The following SIRT4 variants were observed in gnomAD, a reference collection of about 807,000 sequenced individuals.
SIRT4 encodes the protein NAD-dependent protein lipoamidase sirtuin-4, mitochondrial.
Under a neutral mutation model 26.1 loss-of-function variants are expected in SIRT4, and 23 were observed. The ratio of observed to expected loss-of-function variants is 0.88; its 90% confidence interval spans 0.63 to 1.25. The LOEUF (loss-of-function observed/expected upper bound fraction) is 1.25. SIRT4 is among the 50% of genes most tolerant of loss of function. The pLI, the probability that SIRT4 is intolerant of heterozygous loss-of-function variation, is 0.00. For missense variants in SIRT4, 361 were observed against 405.4 expected (o/e 0.89, Z 0.94); for synonymous variants, 155 against 158.4 (o/e 0.98, Z 0.16).
intron 1 of SIRT4, 37 bp from the exon 2 acceptor site, chr12:120,303,512 AAAAAAAAAAACC>A (rs1566462529): frequency 6.6e-7 from 1 of 1,517,238 alleles, no homozygotes; most frequent in Admixed American, 2.3e-5. Flanking sequence ...AAAAATGAGA[AAAAAAAAAAACC>A]ACCCCAGTTT....
At chr12:120,310,006 C>T (rs940347950) in intron 2 of SIRT4, among the ~76,000 whole-genome samples, 3 of 152,022 alleles carry the variant, frequency 2.0e-5, no homozygotes, top group Admixed American at 1.3e-4. Context: ...TGTGAGTCAC[C>T]GTGCCCGGCC....
upstream of SIRT4, among the ~76,000 whole-genome samples, chr12:120,298,196 C>CAAAAA (rs56752571): frequency 4.8e-4 from 10 of 21,052 alleles, 1 homozygote; most frequent in African/African-American, 1.3e-3. Flanking sequence ...AACTCCATCT[C>CAAAAA]AAAAAAAAAA....
upstream of SIRT4, among the ~76,000 whole-genome samples, chr12:120,299,018 A>C (rs1872443903): frequency 6.7e-6 from 1 of 150,170 alleles, no homozygotes; most frequent in Non-Finnish European, 1.5e-5. Context: ...CGAGGTCAAG[A>C]GATAGAGACC....
At chr12:120,293,598 A>G in the SIRT4 span, among the ~76,000 whole-genome samples, 69 of 152,274 alleles carry the variant, frequency 4.5e-4, no homozygotes, top group African/African-American at 1.6e-3. Flanking sequence ...TTCTTTTTCA[A>G]ACTTTTTTTT....
the SIRT4 span, among the ~76,000 whole-genome samples, chr12:120,292,562 A>C: frequency 6.6e-6 from 1 of 152,374 alleles, no homozygotes; most frequent in Non-Finnish European, 1.5e-5. Context: ...AGATCGCGCC[A>C]GTGCACTCCA....
Position 120,312,672 on chromosome 12 carries a change from G to A in SIRT4, c.714G>A (p.Val238=), listed in dbSNP as rs143904790. ...KPDVVFFGDT[V]NPDKVDFVHK... is the part of the protein sequence containing the mutation. ...ATGTCGTTTTCTTCGGGGACACAGT[G>A]AACCCTGACAAGGTTGATTTTGTGC... The change falls in exon 3 of 4, where the codon GTG becomes GTA. Residue 238 remains valine (V), a synonymous_variant. Transcript: ENST00000202967. 1 of 1,614,106 alleles carries A rather than the reference G, an allele frequency of 6.2e-7. No homozygotes were observed. Among genetic ancestry groups the A allele is most frequent in the Non-Finnish European group, 8.5e-7 (1 of 1,180,034 alleles).
chr12:120,312,344 A>T, intron 2 of SIRT4, 112 bp from the exon 3 acceptor site: 2 of 985,480 alleles, frequency 2.0e-6, no homozygotes, highest in Non-Finnish European at 3.0e-6. Flanking sequence ...ATTGTGTGTT[A>T]GGGAAAGAAA....
chr12:120,292,253 A>AC, the SIRT4 span, among the ~76,000 whole-genome samples: 1 of 152,172 alleles, frequency 6.6e-6, no homozygotes, highest in Non-Finnish European at 1.5e-5. Context: ...GGGTGCGGAA[A>AC]CAGCAGGGTG....
At chr12:120,292,926 G>T in the SIRT4 span, among the ~76,000 whole-genome samples, 1 of 152,188 alleles carries the variant, frequency 6.6e-6, no homozygotes, top group Admixed American at 6.6e-5. Context: ...TTTCATAAAC[G>T]CAAATCACTA....
chr12:120,303,849 C>T lies in SIRT4; in HGVS notation c.288C>T (p.Val96=), dbSNP rs139416968. The part of the protein sequence containing the change: ...DRRPIQHGDF[V]RSAPIRQRYW... ...GGCCCATCCAGCATGGTGATTTTGT[C>T]CGGAGTGCCCCAATCCGCCAGCGGT... The change falls in exon 2 of 4, where the codon GTC becomes GTT. Residue 96 remains valine (V), a synonymous_variant. Coordinates refer to ENST00000202967, the MANE Select transcript of SIRT4 (RefSeq NM_012240.3). 1 of 1,614,010 alleles carries T rather than the reference C, an allele frequency of 6.2e-7. No homozygotes were observed. Among genetic ancestry groups the T allele is most frequent in the African/African-American group, 1.3e-5 (1 of 74,920 alleles).
intron 2 of SIRT4, among the ~76,000 whole-genome samples, chr12:120,306,396 A>T (rs1039060424): frequency 6.6e-6 from 1 of 151,574 alleles, no homozygotes; most frequent in African/African-American, 2.4e-5. Context: ...AATAGCTTGA[A>T]CCCAAGAGGC....
At chr12:120,298,316 TA>T (rs756836163), upstream of SIRT4, among the ~76,000 whole-genome samples, 2 of 150,716 alleles carry the variant, frequency 1.3e-5, no homozygotes, top group Non-Finnish European at 3.0e-5. Context: ...TGTACTAAGT[TA>T]AAAAGAATCG....
chr12:120,302,543 G>C (rs536629574), intron 1 of SIRT4, among the ~76,000 whole-genome samples, 165 bp downstream of exon 1: 1 of 152,034 alleles, frequency 6.6e-6, no homozygotes, highest in African/African-American at 2.4e-5. Context: ...TCGGGAAACC[G>C]GACTGTGTGT....
At position 120,313,076 on chromosome 12, in the gene SIRT4, A is replaced by G. The variant is rs1873059303; in HGVS notation, c.*40A>G. The stretch of plus-strand genomic sequence containing the variant: ...TCCAGAACCTGGAACAGGGACTTTC[A>G]CTTGAATCTTGCTGCTAAATGTAAA... On this transcript the variant is annotated 3_prime_UTR_variant, in exon 4 of 4. Coordinates refer to ENST00000202967, the MANE Select transcript of SIRT4 (RefSeq NM_012240.3). 6.2e-7 allele frequency: 1 copy of G among 1,611,370 alleles called. No homozygotes were observed. The highest frequency in any genetic ancestry group is 1.3e-5 in the African/African-American group (1 of 74,862).
chr12:120,311,184 C>T (rs1472659411), intron 2 of SIRT4, among the ~76,000 whole-genome samples: 1 of 149,372 alleles, frequency 6.7e-6, no homozygotes, highest in East Asian at 2.0e-4. Context: ...GGAGAAACCC[C>T]GTCTCTACTA....
chr12:120,297,316 CAAAAAAAAAAAA>C (rs56259520), upstream of SIRT4, among the ~76,000 whole-genome samples: 4 of 67,658 alleles, frequency 5.9e-5, no homozygotes, highest in Admixed American at 1.9e-4. Context: ...CGCCTGTAAT[CAAAAAAAAAAAA>C]AAAAAAAAAA....
At chr12:120,293,157 G>C in the SIRT4 span, 2 of 152,154 alleles carry the variant, frequency 1.3e-5, no homozygotes, top group Non-Finnish European at 1.5e-5. Context: ...TCACGGCGGG[G>C]TATTGGGAAA....
chr12:120,301,288 T>C (rs1004482713), upstream of SIRT4, among the ~76,000 whole-genome samples: 1 of 152,202 alleles, frequency 6.6e-6, no homozygotes, highest in Non-Finnish European at 1.5e-5. Flanking sequence ...GAGGTTGCAG[T>C]GAGCCGAAAT....
At position 120,304,174 on chromosome 12, in the gene SIRT4, G is replaced by A; in HGVS notation, c.497+116G>A. ...CCTTGAGAAAAGGATTTCAGAGCAAGTTGTTTATTTTGCAGTTGATTCCAG... is the reference window on the plus strand; with the variant it reads ...CCTTGAGAAAAGGATTTCAGAGCAAATTGTTTATTTTGCAGTTGATTCCAG... On this transcript the variant is annotated intron_variant, in intron 2 of 3. Coordinates refer to ENST00000202967, the MANE Select transcript of SIRT4 (RefSeq NM_012240.3). 5.1e-6 allele frequency: 7 copies of A among 1,366,934 alleles called. No individual in the cohort carries two copies. The South Asian group carries it at 7.3e-5, about 14-fold the overall frequency. 84.7% of individuals were successfully genotyped at this position (1,366,934 alleles called of 1,614,324 possible).
Sources: allele counts gnomAD v4.1 joint callset (sites outside exome capture counted in the v4.1 genomes callset), GRCh38; gene constraint gnomAD v4.1.1; transcripts MANE v1.5; gene names NCBI Gene and HGNC (gene_info 2026-07-23, HGNC 2026-07-21).